The following IFT140 variants were observed in gnomAD, a reference collection of about 807,000 sequenced individuals.
IFT140 encodes the protein intraflagellar transport 140, also known as intraflagellar transport protein 140 homolog.
A neutral mutation model predicts 164.6 loss-of-function variants in IFT140; 133 were observed. The ratio of observed to expected loss-of-function variants is 0.81; its 90% CI spans 0.70 to 0.93. The LOEUF (loss-of-function observed/expected upper bound fraction) is 0.93. IFT140 is among the 40% of genes least tolerant of loss of function. IFT140 has a pLI of 0.00. For missense variants in IFT140, 2,045 were observed against 1,972.3 expected, an observed-to-expected ratio of 1.04 and a Z score of -0.70; for synonymous variants, 860 against 817.3, an observed-to-expected ratio of 1.05 and a Z score of -0.89.
At chr16:1,534,220 C>T (rs767042898) in intron 19 of IFT140, 45 of 1,592,656 alleles carry the variant, frequency 2.8e-5, no homozygotes, top group Middle Eastern at 1.9e-4. Flanking sequence ...CCTGGACGTG[C>T]GGCCGCGGAC....
chr16:1,588,426 G>A (rs1464332187), intron 7 of IFT140, among the ~76,000 whole-genome samples: 2 of 152,070 alleles, frequency 1.3e-5, no homozygotes, highest in African/African-American at 4.8e-5. Context: ...TTGGGAGGCT[G>A]AGACAGGAGA....
chr16:1,567,149 G>A (rs758411378), intron 15 of IFT140, among the ~76,000 whole-genome samples: 5 of 152,026 alleles, frequency 3.3e-5, no homozygotes, highest in Admixed American at 6.6e-5. Flanking sequence ...CTACCCCTCC[G>A]CCAGTCCATC....
At chr16:1,580,470 C>T (rs2034498469) in intron 13 of IFT140, 2 of 290,522 alleles carry the variant, frequency 6.9e-6, no homozygotes, top group Non-Finnish European at 1.3e-5. Context: ...CCGCTTCGCT[C>T]TCTCTTCCTC....
chr16:1,597,909 A>G (rs1313172168), intron 4 of IFT140, among the ~76,000 whole-genome samples: 2 of 152,160 alleles, frequency 1.3e-5, no homozygotes, highest in African/African-American at 4.8e-5. Flanking sequence ...GGTGCATGTC[A>G]CCATGCCTGG....
At chr16:1,563,946 T>C in intron 17 of IFT140, 51 bp downstream of exon 17, 2 of 1,485,478 alleles carry the variant, frequency 1.3e-6, no homozygotes, top group Non-Finnish European at 1.8e-6. Context: ...CTTAAGTCTG[T>C]CAAATGGCCA....
intron 2 of IFT140, among the ~76,000 whole-genome samples, chr16:1,607,793 A>C (rs1472378579): frequency 1.3e-5 from 2 of 152,182 alleles, no homozygotes; most frequent in Non-Finnish European, 2.9e-5. Flanking sequence ...ACAGACATGC[A>C]CTACCATGCC....
chr16:1,561,095 T>C (rs1032138523), intron 18 of IFT140, among the ~76,000 whole-genome samples: 3 of 152,194 alleles, frequency 2.0e-5, no homozygotes, highest in Non-Finnish European at 4.4e-5. Context: ...TCAGCCAGGC[T>C]CCTCTCTGAA....
intron 30 of IFT140, chr16:1,514,333 G>C (rs1330630183): frequency 6.6e-6 from 1 of 152,080 alleles, no homozygotes; most frequent in African/African-American, 2.4e-5. Flanking sequence ...TCACGCCACT[G>C]CACTCCAGCC....
chr16:1,532,053 C>T (rs374409960), intron 19 of IFT140: 3 of 152,372 alleles, frequency 2.0e-5, no homozygotes, highest in South Asian at 2.1e-4. Context: ...CCTTCTGCAC[C>T]GTGTGCTTAG....
rs1005527971 is a variant in IFT140, at chr16:1,610,688, C to G, written c.-56G>C. On this transcript the variant is annotated 5_prime_UTR_variant, in exon 2 of 31. Transcript: ENST00000426508. ...CCTCTGCCAGGCCGCTGAGCCGCCGCGCGTTGCCGGGACAACGGCGCGCCA... is the reference window on the plus strand; with the variant it reads ...CCTCTGCCAGGCCGCTGAGCCGCCGGGCGTTGCCGGGACAACGGCGCGCCA... 2 of 152,628 alleles carry G rather than the reference C, an allele frequency of 1.3e-5. No homozygotes were observed. Among genetic ancestry groups the G allele is most frequent in the Admixed American group, 1.3e-4 (2 of 15,296 alleles). The allele number at this position is 152,628 out of a possible 1,614,324, so 9.5% of individuals were successfully genotyped here.
Position 1,553,084 on chromosome 16 carries a change from A to C in IFT140, c.2399+4851T>G, listed in dbSNP as rs1430847454. Reference sequence around the variant, plus strand: ...TTCAGGACAAAATGGAGATAGATAAATGCTTAATTCATACTTTCTGGAGGG... The same window carrying C: ...TTCAGGACAAAATGGAGATAGATAACTGCTTAATTCATACTTTCTGGAGGG... On this transcript the variant is annotated intron_variant, in intron 19 of 30. Coordinates refer to ENST00000426508, the MANE Select transcript of IFT140 (RefSeq NM_014714.4). This position sits in a 1 kb window ranked among gnomAD's most constrained non-coding sequence, Gnocchi z 4.4. 2.9e-5 allele frequency: 29 copies of C among 985,452 alleles called. No individual in the cohort carries two copies. Among genetic ancestry groups the C allele is most frequent in the Non-Finnish European group, 3.5e-5 (29 of 829,936 alleles). The allele number at this position is 985,452 out of a possible 1,614,324, so 61.0% of individuals were successfully genotyped here.
At chr16:1,534,916 T>C (rs2030908928) in intron 19 of IFT140, among the ~76,000 whole-genome samples, 1 of 152,150 alleles carries the variant, frequency 6.6e-6, no homozygotes, top group African/African-American at 2.4e-5. Context: ...TTGAAAATAA[T>C]TATTACGGCT....
intron 12 of IFT140, among the ~76,000 whole-genome samples, chr16:1,582,267 A>T (rs2141779770): frequency 6.6e-6 from 1 of 152,288 alleles, no homozygotes; most frequent in Admixed American, 6.5e-5. Flanking sequence ...TAGGCCCTAA[A>T]TACACTCACG....
At chr16:1,574,966 G>A (rs1400262048) in intron 13 of IFT140, among the ~76,000 whole-genome samples, 1 of 152,188 alleles carries the variant, frequency 6.6e-6, no homozygotes, top group Non-Finnish European at 1.5e-5. Flanking sequence ...GACCTGGAAG[G>A]ACATGCTGGG....
intron 19 of IFT140, among the ~76,000 whole-genome samples, chr16:1,529,637 C>T (rs549254502): frequency 5.2e-5 from 8 of 152,390 alleles, no homozygotes; most frequent in South Asian, 2.1e-4. Context: ...TCCTCTAGAG[C>T]TCCAGGCAGG....
chr16:1,612,058 C>G lies in IFT140; in HGVS notation c.-312G>C, dbSNP rs932770292. On this transcript the variant is annotated 5_prime_UTR_variant, in exon 1 of 31. Transcript: ENST00000426508. Reference sequence around the variant, plus strand: ...CCACGCCGTTTTCTTCTCACGTATCCGTCAACACTGCTGCGGCCAATCACA... The same window carrying G: ...CCACGCCGTTTTCTTCTCACGTATCGGTCAACACTGCTGCGGCCAATCACA... 1 of 152,270 alleles carries G rather than the reference C, an allele frequency of 6.6e-6. No individual in the cohort carries two copies. Among genetic ancestry groups the G allele is most frequent in the Non-Finnish European group, 1.5e-5 (1 of 68,096 alleles). 9.4% of individuals were successfully genotyped at this position (152,270 alleles called of 1,614,324 possible). A position where few individuals can be genotyped will look rare whatever the true frequency, so the allele number is the denominator to read the frequency against.
chr16:1,602,545 G>A lies in IFT140; in HGVS notation c.194C>T (p.Ala65Val), dbSNP rs142257947. 1.6e-4 allele frequency: 256 copies of A among 1,613,992 alleles called. No individual in the cohort carries two copies. Among genetic ancestry groups the A allele is most frequent in the Non-Finnish European group, 2.1e-4 (246 of 1,180,034 alleles). Reference sequence around the variant, plus strand: ...CCGCGTCGGGTGCCAGCACAGGGAAGCAACCCGGAACGGCCTCTCGACGTG... The same window carrying A: ...CCGCGTCGGGTGCCAGCACAGGGAAACAACCCGGAACGGCCTCTCGACGTG... Reference protein sequence around the residue: ...DTHVERPFRVASLCWHPTRLV... With the variant: ...DTHVERPFRVVSLCWHPTRLV... The change falls in exon 4 of 31, where the codon GCT becomes GTT. Residue 65 changes from alanine to valine, a missense_variant. Transcript: ENST00000426508.
At chr16:1,528,382 C>CGTGTGCACACACACGGATGCACGCAT (rs2030002455) in intron 19 of IFT140, among the ~76,000 whole-genome samples, 1 of 151,170 alleles carries the variant, frequency 6.6e-6, no homozygotes, top group Admixed American at 6.6e-5. Flanking sequence ...CATGCACGCA[C>CGTGTGCACACACACGGATGCACGCAT]GTGTGCACAC....
rs766013600 is a variant in IFT140, at chr16:1,602,356, G to A, written c.369+14C>T. ...TCAAGGTCTGAAAACAGCGTCTTGC[G>A]CGTGTTGACTCACCCTGTCCCCAGA... On this transcript the variant is annotated intron_variant, in intron 4 of 30. Coordinates refer to ENST00000426508, the MANE Select transcript of IFT140 (RefSeq NM_014714.4). 3.7e-5 allele frequency: 60 copies of A among 1,608,244 alleles called. No homozygotes were observed. The highest frequency in any genetic ancestry group is 4.6e-5 in the Non-Finnish European group (54 of 1,174,878).
Sources: allele counts gnomAD v4.1 joint callset (sites outside exome capture counted in the v4.1 genomes callset), GRCh38; gene constraint gnomAD v4.1.1; non-coding constraint Gnocchi (gnomAD v3.1); transcripts MANE v1.5; gene names NCBI Gene and HGNC (gene_info 2026-07-23, HGNC 2026-07-21).